Variants in RASGEF1A observed in about 807,000 individuals in gnomAD.
The protein encoded by RASGEF1A is ras-GEF domain-containing family member 1A.
A neutral mutation model predicts 56.4 loss-of-function variants in RASGEF1A; 18 were observed. That is an observed-to-expected ratio of 0.32 (90% confidence interval 0.22 to 0.47). The LOEUF is 0.47. Among genes scored for constraint, RASGEF1A ranks in the 20% least tolerant of loss-of-function variants. RASGEF1A has a pLI of 1.00. For missense variants in RASGEF1A, 422 were observed against 627.1 expected (o/e 0.67, Z 3.49); for synonymous variants, 245 against 242.6 (o/e 1.01, Z -0.09).
rs564971386 is a variant in RASGEF1A at position 43,208,816 on chromosome 10, C to A, written c.-6-2694G>T. ...CCACGGAGCACTTCGAGGAGGGTCT[C>A]CAGGGCTCAGTGCCAAGTGGAGAGG... On this transcript the variant is annotated intron_variant, in intron 1 of 12. Coordinates refer to ENST00000395810, the MANE Select transcript of RASGEF1A (RefSeq NM_145313.4). 4.6e-5 allele frequency: 45 copies of A among 985,520 alleles called. No individual in the cohort carries two copies. In the South Asian group the frequency reaches 1.9e-3, roughly 42 times the overall value. 61.0% of individuals were successfully genotyped at this position (985,520 alleles called of 1,614,324 possible).
chr10:43,201,299 G>C (rs1307360914), intron 4 of RASGEF1A, among the ~76,000 whole-genome samples: 1 of 152,204 alleles, frequency 6.6e-6, no homozygotes, highest in African/African-American at 2.4e-5. Flanking sequence ...TGGGGTCCCT[G>C]GCTCCTCCTG....
chr10:43,265,791 G>T (rs1836612226), intron 1 of RASGEF1A, among the ~76,000 whole-genome samples: 1 of 152,236 alleles, frequency 6.6e-6, no homozygotes, highest in Admixed American at 6.5e-5. Context: ...AGGTGGACAG[G>T]CTGGGCTGGC....
chr10:43,226,591 C>A (rs1564536248), intron 1 of RASGEF1A, among the ~76,000 whole-genome samples: 1 of 152,118 alleles, frequency 6.6e-6, no homozygotes, highest in East Asian at 1.9e-4. Context: ...TGCCTCTGAA[C>A]TCCCATTGTC....
Position 43,200,276 on chromosome 10 carries a change from A to G in RASGEF1A, c.682-20T>C. 6.3e-7 allele frequency: 1 copy of G among 1,590,024 alleles called. No individual in the cohort carries two copies. The stretch of plus-strand genomic sequence containing the variant: ...CCTGTCCTGGGGTGGAAGATAGCAA[A>G]GGGAAGGTGACAAGCTTCCCCTGGA... On this transcript the variant is annotated intron_variant, in intron 5 of 12. Coordinates refer to ENST00000395810, the MANE Select transcript of RASGEF1A (RefSeq NM_145313.4).
At position 43,228,970 on chromosome 10, in the gene RASGEF1A, G is replaced by A. The variant is rs558491814; in HGVS notation, c.-6-22848C>T. ...CACGCTGTGGGCACTCAGAACCCAG[G>A]GGGCTGCCGCACCCGAATCACACCG... On this transcript the variant is annotated intron_variant, in intron 1 of 12. Transcript: ENST00000395810. Among the ~76,000 whole-genome samples the A allele has an allele frequency of 3.9e-5, 6 of 152,354 alleles. No homozygotes were observed. In the South Asian group the frequency reaches 1.2e-3, roughly 32 times the overall value.
intron 1 of RASGEF1A, among the ~76,000 whole-genome samples, chr10:43,259,926 C>T (rs144611947): frequency 7.2e-5 from 11 of 152,156 alleles, no homozygotes; most frequent in Middle Eastern, 3.4e-3. Flanking sequence ...AGGGCGGGGA[C>T]GGCAGGAAGG....
At chr10:43,220,099 C>T (rs982154212) in intron 1 of RASGEF1A, among the ~76,000 whole-genome samples, 1 of 152,218 alleles carries the variant, frequency 6.6e-6, no homozygotes, top group African/African-American at 2.4e-5. Flanking sequence ...ACATGCTGTG[C>T]GTCTGTCCCC....
At chr10:43,259,923 G>C (rs1318603949) in intron 1 of RASGEF1A, among the ~76,000 whole-genome samples, 1 of 152,046 alleles carries the variant, frequency 6.6e-6, no homozygotes, top group Non-Finnish European at 1.5e-5. Flanking sequence ...GGCAGGGCGG[G>C]GACGGCAGGA....
At chr10:43,215,132 C>T (rs927103879) in intron 1 of RASGEF1A, among the ~76,000 whole-genome samples, 1 of 152,170 alleles carries the variant, frequency 6.6e-6, no homozygotes, top group Non-Finnish European at 1.5e-5. Context: ...CTCCCAGAAG[C>T]TCATCTGTGG....
intron 1 of RASGEF1A, among the ~76,000 whole-genome samples, chr10:43,250,071 C>T (rs962866246): frequency 1.3e-5 from 2 of 152,266 alleles, no homozygotes; most frequent in African/African-American, 4.8e-5. Flanking sequence ...AAAAGCCCTT[C>T]ACCTTTCTGA....
At chr10:43,214,259 CAT>C (rs1231533336) in intron 1 of RASGEF1A, among the ~76,000 whole-genome samples, 1 of 152,214 alleles carries the variant, frequency 6.6e-6, no homozygotes, top group Non-Finnish European at 1.5e-5. Flanking sequence ...TGCACCCACT[CAT>C]GTGTCCAGGC....
chr10:43,256,216 G>A lies in RASGEF1A; in HGVS notation c.-7+10629C>T, dbSNP rs373307776. Among the ~76,000 whole-genome samples the A allele has an allele frequency of 1.8e-4, 27 of 152,338 alleles. 1 individual carries two copies. In the East Asian group the frequency reaches 2.9e-3, roughly 16 times the overall value. ...GGATGCTGAGGGGGCCTGGAGCCAG[G>A]ACAAGGCAAGCCAGGCGGGGGCAGG... On this transcript the variant is annotated intron_variant, in intron 1 of 12. Transcript: ENST00000395810.
At chr10:43,263,900 C>T (rs533296674) in intron 1 of RASGEF1A, among the ~76,000 whole-genome samples, 78 of 152,260 alleles carry the variant, frequency 5.1e-4, no homozygotes, top group Non-Finnish European at 7.9e-4. Flanking sequence ...AGCAGTCACA[C>T]CCCCACCCCG....
chr10:43,253,280 C>T (rs1840647764), intron 1 of RASGEF1A, among the ~76,000 whole-genome samples: 1 of 152,226 alleles, frequency 6.6e-6, no homozygotes, highest in Non-Finnish European at 1.5e-5. Context: ...TGTAGCTCCC[C>T]AGACTGTAAA....
chr10:43,232,776 C>T (rs1445659016), intron 1 of RASGEF1A, among the ~76,000 whole-genome samples: 3 of 152,164 alleles, frequency 2.0e-5, no homozygotes, highest in East Asian at 1.9e-4. Context: ...CATGAGCCAC[C>T]GTGCCCGGCC....
At chr10:43,247,741 T>G (rs1840582467) in intron 1 of RASGEF1A, among the ~76,000 whole-genome samples, 1 of 152,124 alleles carries the variant, frequency 6.6e-6, no homozygotes, top group Admixed American at 6.5e-5. Context: ...GCTGGTGGGT[T>G]GGGGAAGGGG....
At chr10:43,261,792 C>A (rs1754888710) in intron 1 of RASGEF1A, among the ~76,000 whole-genome samples, 1 of 152,228 alleles carries the variant, frequency 6.6e-6, no homozygotes, top group Non-Finnish European at 1.5e-5. Context: ...ACATTACCTT[C>A]ATCCAGACCA....
chr10:43,253,467 G>A lies in RASGEF1A; in HGVS notation c.-7+13378C>T, dbSNP rs373871250. On this transcript the variant is annotated intron_variant, in intron 1 of 12. Coordinates refer to ENST00000395810, the MANE Select transcript of RASGEF1A (RefSeq NM_145313.4). ...TAGGCAGAGGCTCTTAAGGCTGCTG[G>A]GAGATTCTCCTGGGTGGGCCCATTG... Among the ~76,000 whole-genome samples, 10 of 152,368 alleles carry A rather than the reference G, an allele frequency of 6.6e-5. No homozygotes were observed. The East Asian group carries it at 9.6e-4, about 15-fold the overall frequency.
At chr10:43,249,430 G>A (rs1017074912) in intron 1 of RASGEF1A, among the ~76,000 whole-genome samples, 4 of 152,246 alleles carry the variant, frequency 2.6e-5, no homozygotes, top group African/African-American at 9.6e-5. Context: ...GGGGAAGGGG[G>A]TTCTGTTGGC....
Sources: allele counts gnomAD v4.1 joint callset (sites outside exome capture counted in the v4.1 genomes callset), GRCh38; gene constraint gnomAD v4.1.1; transcripts MANE v1.5; gene names NCBI Gene and HGNC (gene_info 2026-07-23, HGNC 2026-07-21).